TNFSF4: variants seen among roughly 807,000 people sequenced by gnomAD.
The protein encoded by TNFSF4 is TNF superfamily member 4.
A neutral mutation model predicts 7.3 loss-of-function variants in TNFSF4; 4 were observed. The observed-to-expected ratio is 0.55, with a 90% CI of 0.27 to 1.25. The LOEUF is 1.25. TNFSF4 is among the 50% of genes most tolerant of loss of function. The pLI is 0.12. For missense variants in TNFSF4, 181 were observed against 208.8 expected, an observed-to-expected ratio of 0.87 and a Z score of 0.82; for synonymous variants, 76 against 83.7, an observed-to-expected ratio of 0.91 and a Z score of 0.50.
At chr1:173,376,648 T>C in the TNFSF4 span, among the ~76,000 whole-genome samples, 3 of 152,208 alleles carry the variant, frequency 2.0e-5, no homozygotes, top group Admixed American at 6.5e-5. Context: ...ATCAGCACTC[T>C]GTAAAACAGA....
At chr1:173,173,282 T>A in the TNFSF4 span, among the ~76,000 whole-genome samples, 2 of 152,274 alleles carry the variant, frequency 1.3e-5, no homozygotes, top group East Asian at 3.9e-4. Context: ...AAGTCTTAAC[T>A]CATTTCAGCA....
At chr1:173,267,846 C>A in the TNFSF4 span, among the ~76,000 whole-genome samples, 1 of 149,746 alleles carries the variant, frequency 6.7e-6, no homozygotes, top group Admixed American at 6.7e-5. Flanking sequence ...GAAAGGAGAG[C>A]AGAGGAGAGG....
downstream of TNFSF4, among the ~76,000 whole-genome samples, chr1:173,178,950 A>G (rs538053276): frequency 6.6e-6 from 1 of 152,308 alleles, no homozygotes; most frequent in South Asian, 2.1e-4. Flanking sequence ...ATGGGAGAAA[A>G]TGTGATATGA....
At chr1:173,385,330 AT>A in the TNFSF4 span, among the ~76,000 whole-genome samples, 1 of 152,250 alleles carries the variant, frequency 6.6e-6, no homozygotes, top group Non-Finnish European at 1.5e-5. Context: ...AGAAAGCATT[AT>A]TTTAACCCTA....
chr1:173,225,969 A>C, the TNFSF4 span, among the ~76,000 whole-genome samples: 1 of 152,122 alleles, frequency 6.6e-6, no homozygotes, highest in Non-Finnish European at 1.5e-5. Flanking sequence ...AACCTAGTAA[A>C]CTCTCACTGT....
chr1:173,340,030 T>C, the TNFSF4 span, among the ~76,000 whole-genome samples: 1 of 152,168 alleles, frequency 6.6e-6, no homozygotes, highest in African/African-American at 2.4e-5. Flanking sequence ...TTTACTATGA[T>C]GTGAGTGGGC....
the TNFSF4 span, among the ~76,000 whole-genome samples, chr1:173,389,933 G>A: frequency 1.3e-5 from 2 of 151,564 alleles, no homozygotes; most frequent in Non-Finnish European, 2.9e-5. Flanking sequence ...TATTCATTTT[G>A]AACATAACTA....
chr1:173,442,190 C>A, the TNFSF4 span: 1 of 152,236 alleles, frequency 6.6e-6, no homozygotes, highest in African/African-American at 2.4e-5. Context: ...TTTCAAGCTC[C>A]CCCTGTGAAA....
chr1:173,410,957 A>G, the TNFSF4 span, among the ~76,000 whole-genome samples: 1 of 152,248 alleles, frequency 6.6e-6, no homozygotes, highest in East Asian at 1.9e-4. Flanking sequence ...AGTCTGGACT[A>G]GTCCTTAATG....
the TNFSF4 span, among the ~76,000 whole-genome samples, chr1:173,380,378 C>G: frequency 2.0e-5 from 3 of 151,892 alleles, no homozygotes; most frequent in Non-Finnish European, 4.4e-5. Flanking sequence ...TTCGGAAGGG[C>G]AAAAAATGCC....
downstream of TNFSF4, among the ~76,000 whole-genome samples, chr1:173,182,695 C>G (rs1050422110): frequency 3.9e-5 from 6 of 152,144 alleles, no homozygotes; most frequent in African/African-American, 1.4e-4. Flanking sequence ...AAATGAGGCA[C>G]TGGAGTAGAA....
chr1:173,370,540 C>T, the TNFSF4 span, among the ~76,000 whole-genome samples: 1 of 152,190 alleles, frequency 6.6e-6, no homozygotes, highest in Admixed American at 6.5e-5. Context: ...ATCCTTCTGC[C>T]TCCCTCAAGT....
chr1:173,347,799 C>T, the TNFSF4 span, among the ~76,000 whole-genome samples: 1 of 152,126 alleles, frequency 6.6e-6, no homozygotes, highest in African/African-American at 2.4e-5. Context: ...ACATTTGGGG[C>T]CACATAATTC....
At chr1:173,335,166 A>G in the TNFSF4 span, among the ~76,000 whole-genome samples, 1 of 152,152 alleles carries the variant, frequency 6.6e-6, no homozygotes, top group African/African-American at 2.4e-5. Flanking sequence ...GAAACATGGA[A>G]CAAACAGTGG....
chr1:173,410,038 A>G, the TNFSF4 span, among the ~76,000 whole-genome samples: 3 of 152,140 alleles, frequency 2.0e-5, no homozygotes, highest in African/African-American at 7.2e-5. Flanking sequence ...GCCAGGGTGG[A>G]TGGATCACTT....
At chr1:173,399,732 C>T in the TNFSF4 span, among the ~76,000 whole-genome samples, 1 of 152,160 alleles carries the variant, frequency 6.6e-6, no homozygotes, top group African/African-American at 2.4e-5. Flanking sequence ...ACCAGTCAGC[C>T]TCTTTCCCCA....
chr1:173,440,205 T>G, the TNFSF4 span, among the ~76,000 whole-genome samples: 1 of 152,200 alleles, frequency 6.6e-6, no homozygotes, highest in Non-Finnish European at 1.5e-5. Context: ...ACATCGACCT[T>G]TACACTGTCT....
the TNFSF4 span, among the ~76,000 whole-genome samples, chr1:173,403,465 C>G: frequency 6.6e-6 from 1 of 152,180 alleles, no homozygotes; most frequent in Non-Finnish European, 1.5e-5. Context: ...GATAATTTAC[C>G]TCCCCATGCT....
the TNFSF4 span, among the ~76,000 whole-genome samples, chr1:173,383,150 G>C: frequency 4.6e-5 from 7 of 152,176 alleles, no homozygotes; most frequent in Admixed American, 4.6e-4. Flanking sequence ...TTAGCTGCTA[G>C]TGAGTAGAAG....
Sources: gnomAD v4.1 joint callset for allele counts (sites outside exome capture counted in the v4.1 genomes callset) on GRCh38, gnomAD v4.1.1 for gene constraint, MANE v1.5 for transcripts, NCBI Gene and HGNC (gene_info 2026-07-23, HGNC 2026-07-21) for gene names.